The following TAB2 variants were observed in gnomAD, a reference collection of about 807,000 sequenced individuals.
The protein encoded by TAB2 is TGF-beta-activated kinase 1 and MAP3K7-binding protein 2.
Under a neutral mutation model 65.0 loss-of-function variants are expected in TAB2, and 3 were observed. The observed-to-expected ratio is 0.05, with a 90% CI of 0.02 to 0.12. The LOEUF (loss-of-function observed/expected upper bound fraction) is 0.12, where lower values mean the gene tolerates loss of function less well. TAB2 is among the 10% of genes least tolerant of loss of function. The pLI, the probability that TAB2 is intolerant of heterozygous loss-of-function variation, is 1.00. For missense variants in TAB2, 623 were observed against 840.3 expected (o/e 0.74, Z 3.20); for synonymous variants, 298 against 285.1 (o/e 1.05, Z -0.46).
chr6:149,272,753 G>T (rs1396796929), intron 1 of TAB2, among the ~76,000 whole-genome samples: 1 of 152,188 alleles, frequency 6.6e-6, no homozygotes, highest in East Asian at 1.9e-4. Flanking sequence ...ACATTATTCT[G>T]CATCCCTTAC....
At chr6:149,369,308 T>C (rs1410678438) in intron 1 of TAB2, among the ~76,000 whole-genome samples, 1 of 152,170 alleles carries the variant, frequency 6.6e-6, no homozygotes, top group Non-Finnish European at 1.5e-5. Context: ...GGCTGCTCAC[T>C]CCTCAGCCAA....
chr6:149,237,977 C>T (rs948209726), intron 1 of TAB2, among the ~76,000 whole-genome samples: 4 of 152,236 alleles, frequency 2.6e-5, no homozygotes, highest in African/African-American at 7.2e-5. Flanking sequence ...GCACCCCACA[C>T]TCAGCGTTCC....
intron 1 of TAB2, among the ~76,000 whole-genome samples, chr6:149,333,999 G>A (rs1779860904): frequency 6.6e-6 from 1 of 152,190 alleles, no homozygotes; most frequent in Admixed American, 6.5e-5. Flanking sequence ...GGGAGCATTA[G>A]ATGAGTTTAT....
chr6:149,375,831 A>G (rs1781380129), intron 2 of TAB2, among the ~76,000 whole-genome samples: 1 of 152,202 alleles, frequency 6.6e-6, no homozygotes, highest in African/African-American at 2.4e-5. Context: ...AGTTATTAGT[A>G]GGATAAAAGG....
chr6:149,296,246 G>T (rs1382627756), intron 1 of TAB2, among the ~76,000 whole-genome samples: 1 of 152,230 alleles, frequency 6.6e-6, no homozygotes, highest in Non-Finnish European at 1.5e-5. Flanking sequence ...TGTCTTGCTT[G>T]TGGTTGACCC....
At chr6:149,343,351 G>C (rs978913743) in intron 1 of TAB2, among the ~76,000 whole-genome samples, 1 of 151,946 alleles carries the variant, frequency 6.6e-6, no homozygotes, top group Non-Finnish European at 1.5e-5. Context: ...TGCACCTGTA[G>C]TCCCAGCTGC....
chr6:149,314,037 G>A (rs774644270), upstream of TAB2, among the ~76,000 whole-genome samples: 27 of 152,150 alleles, frequency 1.8e-4, no homozygotes, highest in Non-Finnish European at 3.4e-4. Context: ...ATATCATTGA[G>A]TTTCTCAATC....
intron 1 of TAB2, among the ~76,000 whole-genome samples, chr6:149,292,618 A>C (rs1778798279): frequency 6.6e-6 from 1 of 152,236 alleles, no homozygotes; most frequent in Non-Finnish European, 1.5e-5. Flanking sequence ...GACAGGATTC[A>C]AATAGGTAAA....
intron 1 of TAB2, among the ~76,000 whole-genome samples, chr6:149,306,588 A>C (rs1779076509): frequency 6.6e-6 from 1 of 151,692 alleles, no homozygotes; most frequent in South Asian, 2.1e-4. Context: ...AAACAAAAAA[A>C]AACACACACA....
chr6:149,373,062 G>GT (rs1208363285), intron 2 of TAB2, among the ~76,000 whole-genome samples: 1 of 152,224 alleles, frequency 6.6e-6, no homozygotes, highest in Admixed American at 6.5e-5. Context: ...TTTCTCTTAA[G>GT]TTTATCTGTT....
intron 6 of TAB2, among the ~76,000 whole-genome samples, chr6:149,405,594 G>T (rs1436931195): frequency 6.6e-6 from 1 of 152,220 alleles, no homozygotes; most frequent in Non-Finnish European, 1.5e-5. Flanking sequence ...CCTGTCATTT[G>T]TGATAACATG....
intron 1 of TAB2, among the ~76,000 whole-genome samples, chr6:149,308,920 A>G (rs1185860587): frequency 6.6e-6 from 1 of 152,032 alleles, no homozygotes; most frequent in African/African-American, 2.4e-5. Context: ...ATTAACTCTT[A>G]GTTTCTGTAG....
At chr6:149,397,893 G>C (rs1782229239) in intron 4 of TAB2, 76 bp from the exon 5 acceptor site, 1 of 1,577,112 alleles carries the variant, frequency 6.3e-7, no homozygotes, top group South Asian at 1.1e-5. Flanking sequence ...TTACTTTCTT[G>C]TGCCAAACTC....
chr6:149,350,647 C>G (rs1453860952), intron 1 of TAB2, among the ~76,000 whole-genome samples: 3 of 123,512 alleles, frequency 2.4e-5, no homozygotes, highest in African/African-American at 9.6e-5. Context: ...TTTTTAAGAG[C>G]TCAGTCACCC....
intron 3 of TAB2, among the ~76,000 whole-genome samples, chr6:149,395,487 A>T (rs1275510309): frequency 6.6e-6 from 1 of 152,174 alleles, no homozygotes; most frequent in Non-Finnish European, 1.5e-5. Flanking sequence ...AACTTCCTTT[A>T]GCACAGATCC....
chr6:149,320,208 C>T (rs1343024056), intron 1 of TAB2, among the ~76,000 whole-genome samples: 2 of 152,194 alleles, frequency 1.3e-5, no homozygotes, highest in African/African-American at 2.4e-5. Flanking sequence ...TTCCCAGTAG[C>T]TGGGATTACA....
At chr6:149,283,706 G>A (rs188743228) in intron 1 of TAB2, among the ~76,000 whole-genome samples, 4 of 151,942 alleles carry the variant, frequency 2.6e-5, no homozygotes, top group African/African-American at 4.8e-5. Context: ...GAGAAATTCT[G>A]TCTAAAAAAC....
intron 1 of TAB2, among the ~76,000 whole-genome samples, chr6:149,349,511 T>A (rs1780420921): frequency 6.6e-6 from 1 of 151,730 alleles, no homozygotes; most frequent in African/African-American, 2.4e-5. Context: ...TCTGTTAAGC[T>A]GAGATAGCTG....
chr6:149,236,398 G>T (rs916352010), intron 1 of TAB2, among the ~76,000 whole-genome samples: 6 of 152,150 alleles, frequency 3.9e-5, no homozygotes, highest in African/African-American at 1.4e-4. Flanking sequence ...AGAATCATGG[G>T]AGGAGCTTTT....
Sources: gnomAD v4.1 joint callset for allele counts (sites outside exome capture counted in the v4.1 genomes callset) on GRCh38, gnomAD v4.1.1 for gene constraint, MANE v1.5 for transcripts, NCBI Gene and HGNC (gene_info 2026-07-23, HGNC 2026-07-21) for gene names.